The following P4HA1 variants were observed in gnomAD, a reference collection of about 807,000 sequenced individuals.
The protein encoded by P4HA1 is prolyl 4-hydroxylase subunit alpha 1.
Under a neutral mutation model 72.8 loss-of-function variants are expected in P4HA1, and 24 were observed. The ratio of observed to expected loss-of-function variants is 0.33; its 90% CI spans 0.24 to 0.46. P4HA1 has a LOEUF of 0.46. Ranked by LOEUF, P4HA1 falls within the 20% of genes least tolerant of loss-of-function variation. P4HA1 has a pLI of 1.00. For missense variants in P4HA1, 446 were observed against 640.6 expected (o/e 0.70, Z 3.28); for synonymous variants, 201 against 218.8 (o/e 0.92, Z 0.72).
At chr10:73,077,526 T>C (rs563579089) in intron 1 of P4HA1, among the ~76,000 whole-genome samples, 3 of 152,282 alleles carry the variant, frequency 2.0e-5, no homozygotes, top group African/African-American at 7.2e-5. Context: ...ACATAAAAAT[T>C]CAAAACAATC....
intron 5 of P4HA1, among the ~76,000 whole-genome samples, chr10:73,057,948 G>A (rs1467342557): frequency 4.0e-5 from 6 of 151,720 alleles, no homozygotes; most frequent in African/African-American, 4.8e-5. Context: ...AAAATTAGCC[G>A]GGCATGGTAG....
Position 73,083,611 on chromosome 10 carries a change from C to T in P4HA1, c.-32-8696G>A, listed in dbSNP as rs553348032. ...GTTTTGCTTATGACACCTCCTCCAC[C>T]CCTTTTCTCTTTCTTCAAGAAACTG... is the stretch of plus-strand genomic sequence containing the variant. On this transcript the variant is annotated intron_variant, in intron 1 of 14. Transcript: ENST00000394890. 2.6e-5 allele frequency among the ~76,000 whole-genome samples: 4 copies of T among 152,272 alleles called. No homozygotes were observed. In the South Asian group the frequency reaches 8.3e-4, roughly 32 times the overall value.
chr10:73,039,818 A>T (rs1019860759), intron 9 of P4HA1, among the ~76,000 whole-genome samples: 4 of 151,694 alleles, frequency 2.6e-5, no homozygotes, highest in African/African-American at 9.7e-5. Context: ...CTGACATCAG[A>T]ACACGAATTT....
At position 73,017,258 on chromosome 10, in the gene P4HA1, T is replaced by G. The variant is rs58802366; in HGVS notation, c.1249-359A>C. Among the ~76,000 whole-genome samples the G allele has an allele frequency of 8.6e-4, 130 of 150,380 alleles. 1 individual carries two copies. Among genetic ancestry groups the G allele is most frequent in the African/African-American group, 2.7e-3 (107 of 40,316 alleles). Reference sequence around the variant, plus strand: ...ATAGATATCTATATCTACAGATGTATATATAGATATCTATATCTCTATACA... The same window carrying G: ...ATAGATATCTATATCTACAGATGTAGATATAGATATCTATATCTCTATACA... On this transcript the variant is annotated intron_variant, in intron 10 of 14. Transcript: ENST00000394890.
chr10:73,024,080 G>C (rs1180657714), intron 10 of P4HA1, among the ~76,000 whole-genome samples: 1 of 152,094 alleles, frequency 6.6e-6, no homozygotes, highest in Non-Finnish European at 1.5e-5. Flanking sequence ...AGATCAACAA[G>C]ACAGAAGGTT....
chr10:73,070,500 T>A (rs1006332258), intron 4 of P4HA1, among the ~76,000 whole-genome samples: 1 of 152,034 alleles, frequency 6.6e-6, no homozygotes, highest in Admixed American at 6.5e-5. Flanking sequence ...ATCAAGCATA[T>A]TTTTATGCTG....
At chr10:73,029,415 C>CA (rs769323241) in intron 10 of P4HA1, among the ~76,000 whole-genome samples, 1,686 of 55,418 alleles carry the variant, frequency 0.03, 17 homozygotes, top group East Asian at 0.055. Flanking sequence ...GACTCCATCT[C>CA]AAAAAAAAAA....
At chr10:73,037,409 G>T (rs959759946) in intron 9 of P4HA1, among the ~76,000 whole-genome samples, 1 of 148,956 alleles carries the variant, frequency 6.7e-6, no homozygotes, top group Non-Finnish European at 1.5e-5. Context: ...CTTCTAATAT[G>T]TGAGTAAGGA....
intron 6 of P4HA1, among the ~76,000 whole-genome samples, chr10:73,052,714 A>T (rs1167863685): frequency 6.6e-6 from 1 of 152,182 alleles, no homozygotes; most frequent in Non-Finnish European, 1.5e-5. Context: ...AATAATTTTT[A>T]AAGTTTTAAA....
intron 10 of P4HA1, among the ~76,000 whole-genome samples, chr10:73,021,772 C>G (rs12253317): frequency 0.16 from 23,923 of 152,168 alleles, 3,183 homozygotes; most frequent in African/African-American, 0.34. Flanking sequence ...CTGGAAAAAC[C>G]GGACAATCCT....
intron 9 of P4HA1, among the ~76,000 whole-genome samples, chr10:73,033,404 A>T (rs1840487633): frequency 6.6e-6 from 1 of 152,148 alleles, no homozygotes; most frequent in African/African-American, 2.4e-5. Context: ...ATCGTCCTTC[A>T]GCCTTATAGA....
chr10:73,057,060 GAA>G (rs536039460), intron 5 of P4HA1, among the ~76,000 whole-genome samples: 6,714 of 91,330 alleles, frequency 0.074, 464 homozygotes, highest in African/African-American at 0.22. Flanking sequence ...ACGCTGTCTC[GAA>G]AAAAAAAAAA....
At chr10:73,075,989 C>T (rs1478198130) in intron 1 of P4HA1, among the ~76,000 whole-genome samples, 2 of 151,986 alleles carry the variant, frequency 1.3e-5, no homozygotes, top group Non-Finnish European at 2.9e-5. Context: ...GCCTGGAGTC[C>T]CAGCTACTTG....
intron 1 of P4HA1, among the ~76,000 whole-genome samples, chr10:73,082,783 A>G (rs1351153187): frequency 6.6e-6 from 1 of 152,150 alleles, no homozygotes; most frequent in Non-Finnish European, 1.5e-5. Context: ...TGTTTCTGAC[A>G]GTTTTCATGG....
At chr10:73,074,680 T>C in intron 2 of P4HA1, 128 bp downstream of exon 2, 2 of 601,378 alleles carry the variant, frequency 3.3e-6, no homozygotes, top group South Asian at 4.0e-5. Flanking sequence ...AAAAGGACCT[T>C]TTAGGGGGCA....
intron 5 of P4HA1, chr10:73,065,579 A>G (rs1296821386): frequency 2.6e-5 from 4 of 152,198 alleles, no homozygotes; most frequent in Admixed American, 1.3e-4. Flanking sequence ...TAAAATTTTT[A>G]AAGTCTGACA....
chr10:73,061,257 GT>G (rs1411831384), intron 5 of P4HA1, among the ~76,000 whole-genome samples: 1 of 152,070 alleles, frequency 6.6e-6, no homozygotes, highest in Admixed American at 6.5e-5. Context: ...CACCTATGGA[GT>G]TAATTTTAAA....
intron 9 of P4HA1, among the ~76,000 whole-genome samples, chr10:73,033,542 T>C (rs1443485929): frequency 1.3e-5 from 2 of 152,212 alleles, no homozygotes; most frequent in African/African-American, 2.4e-5. Flanking sequence ...AGTCTCCTGC[T>C]ACCAAGAAAA....
At chr10:73,061,455 AG>A (rs1435217143) in intron 5 of P4HA1, among the ~76,000 whole-genome samples, 2 of 152,252 alleles carry the variant, frequency 1.3e-5, no homozygotes, top group Admixed American at 1.3e-4. Flanking sequence ...AGGGAATAAA[AG>A]GGACTTAACA....
Sources: gnomAD v4.1 joint callset for allele counts (sites outside exome capture counted in the v4.1 genomes callset) on GRCh38, gnomAD v4.1.1 for gene constraint, MANE v1.5 for transcripts, NCBI Gene and HGNC (gene_info 2026-07-23, HGNC 2026-07-21) for gene names.